The following LRIG1 variants were observed in gnomAD, a reference collection of about 807,000 sequenced individuals.
The protein encoded by LRIG1 is leucine rich repeats and immunoglobulin like domains 1.
A neutral mutation model predicts 99.2 loss-of-function variants in LRIG1; 48 were observed. The ratio of observed to expected loss-of-function variants is 0.48; its 90% CI spans 0.38 to 0.62. The LOEUF (loss-of-function observed/expected upper bound fraction) is 0.62. Ranked by LOEUF, LRIG1 falls within the 20% of genes least tolerant of loss-of-function variation. The pLI is 0.00. For synonymous variants in LRIG1, 772 were observed against 596.1 expected (o/e 1.29, Z -4.30); for missense variants, 1,646 against 1,434.4 (o/e 1.15, Z -2.38).
chr3:66,471,455 T>C (rs980367742), intron 1 of LRIG1, among the ~76,000 whole-genome samples: 2 of 151,920 alleles, frequency 1.3e-5, no homozygotes, highest in African/African-American at 4.8e-5. Context: ...CAGAGGGGGG[T>C]TGGAACCTTG....
chr3:66,465,694 T>A (rs756851135), intron 1 of LRIG1, among the ~76,000 whole-genome samples: 2 of 152,020 alleles, frequency 1.3e-5, no homozygotes, highest in African/African-American at 2.4e-5. Flanking sequence ...TGTGGTAAAA[T>A]ACATATAACA....
chr3:66,461,445 C>G (rs564504848), intron 2 of LRIG1, among the ~76,000 whole-genome samples: 1 of 152,044 alleles, frequency 6.6e-6, no homozygotes, highest in Non-Finnish European at 1.5e-5. Context: ...GAAATATCCA[C>G]GTATAGTAGT....
intron 6 of LRIG1, among the ~76,000 whole-genome samples, chr3:66,410,617 C>T (rs763558692): frequency 2.6e-5 from 4 of 152,206 alleles, no homozygotes; most frequent in South Asian, 2.1e-4. Context: ...GAAGGAGGAT[C>T]GCTTGAGCTC....
chr3:66,443,160 G>C (rs1204208676), intron 3 of LRIG1, among the ~76,000 whole-genome samples: 1 of 152,016 alleles, frequency 6.6e-6, no homozygotes, highest in Non-Finnish European at 1.5e-5. Flanking sequence ...TTTGTAAATT[G>C]GGTGTTTAAT....
chr3:66,398,251 C>T, intron 10 of LRIG1, 68 bp from the exon 11 acceptor site: 1 of 1,242,416 alleles, frequency 8.0e-7, no homozygotes, highest in Non-Finnish European at 1.2e-6. Flanking sequence ...TCAGGACAGT[C>T]CTGGTTTCAC....
chr3:66,415,197 G>A, intron 4 of LRIG1, 134 bp from the exon 5 acceptor site: 1 of 844,200 alleles, frequency 1.2e-6, no homozygotes, highest in Non-Finnish European at 1.8e-6. Context: ...CCAGTGAGAT[G>A]TTTATCAGCC....
intron 1 of LRIG1, among the ~76,000 whole-genome samples, chr3:66,489,475 T>C (rs1701051041): frequency 6.6e-6 from 1 of 152,100 alleles, no homozygotes; most frequent in Non-Finnish European, 1.5e-5. Context: ...TGAGCCATGA[T>C]TGCGCCACTG....
intron 3 of LRIG1, among the ~76,000 whole-genome samples, chr3:66,432,499 G>A (rs933919380): frequency 6.6e-6 from 1 of 152,174 alleles, no homozygotes; most frequent in African/African-American, 2.4e-5. Flanking sequence ...CAGTAGCTAG[G>A]CGCTGGCTTC....
Position 66,500,467 on chromosome 3 carries a change from A to T in LRIG1, c.-60T>A. 9.2e-7 allele frequency: 1 copy of T among 1,081,130 alleles called. No homozygotes were observed. Among genetic ancestry groups the T allele is most frequent in the Non-Finnish European group, 1.2e-6 (1 of 827,248 alleles). 67.0% of individuals were successfully genotyped at this position (1,081,130 alleles called of 1,614,324 possible). On this transcript the variant is annotated 5_prime_UTR_variant, in exon 1 of 19. Transcript: ENST00000273261. ...GGACTGTGAGGACCCGAACGGCCGC[A>T]GACGCGGGCGGGCCCGCGGGGCGCT...
chr3:66,494,669 A>C (rs186020745), intron 1 of LRIG1, among the ~76,000 whole-genome samples: 1 of 152,262 alleles, frequency 6.6e-6, no homozygotes, highest in Admixed American at 6.5e-5. Context: ...ATATAAGAAT[A>C]TAAGAACATA....
chr3:66,467,014 T>G (rs1700487138), intron 1 of LRIG1, among the ~76,000 whole-genome samples: 1 of 152,220 alleles, frequency 6.6e-6, no homozygotes, highest in Admixed American at 6.5e-5. Context: ...ATAGATGTTC[T>G]TTCAGCTAAT....
chr3:66,480,859 G>T (rs1022783496), intron 1 of LRIG1, among the ~76,000 whole-genome samples: 1 of 152,174 alleles, frequency 6.6e-6, no homozygotes, highest in African/African-American at 2.4e-5. Flanking sequence ...GAAGGCAGGA[G>T]GAAATGTCAC....
chr3:66,413,811 C>T (rs948228673), intron 5 of LRIG1, among the ~76,000 whole-genome samples: 1 of 152,186 alleles, frequency 6.6e-6, no homozygotes, highest in Admixed American at 6.5e-5. Flanking sequence ...TCTAGGACTC[C>T]CCACCCAGGG....
chr3:66,405,142 C>A (rs1249641796), intron 9 of LRIG1, 56 bp downstream of exon 9: 11 of 1,502,978 alleles, frequency 7.3e-6, no homozygotes, highest in Non-Finnish European at 1.0e-5. Flanking sequence ...GAAACATCTC[C>A]CACCCAAGTG....
chr3:66,487,649 G>A (rs1701005002), intron 1 of LRIG1, among the ~76,000 whole-genome samples: 1 of 152,146 alleles, frequency 6.6e-6, no homozygotes, highest in Non-Finnish European at 1.5e-5. Flanking sequence ...GATAGACTCA[G>A]AGATTCCTCC....
intron 2 of LRIG1, among the ~76,000 whole-genome samples, chr3:66,454,375 T>C (rs1043050655): frequency 3.3e-5 from 5 of 152,154 alleles, no homozygotes; most frequent in African/African-American, 1.2e-4. Flanking sequence ...AGCTACAGCT[T>C]TGAGGGGAAA....
In LRIG1 at chr3:66,487,791, A is replaced by G. The variant is rs1209173440; in HGVS notation, c.218+12399T>C. ...CATTTGGCCTGTTTTGAGCTCAGAA[A>G]GCACAATGGAAAAAGGTCATCTTTG... is the stretch of plus-strand genomic sequence containing the variant. On this transcript the variant is annotated intron_variant, in intron 1 of 18. Transcript: ENST00000273261. Among the ~76,000 whole-genome samples, 3 of 152,200 alleles carry G rather than the reference A, an allele frequency of 2.0e-5. No homozygotes were observed. The East Asian group carries it at 5.8e-4, about 29-fold the overall frequency.
chr3:66,435,521 G>C, intron 3 of LRIG1, among the ~76,000 whole-genome samples: 1 of 152,214 alleles, frequency 6.6e-6, no homozygotes, highest in Non-Finnish European at 1.5e-5. Flanking sequence ...TGAGGTTGCA[G>C]TGAGCCAAGG....
chr3:66,405,384 A>C, intron 8 of LRIG1, 106 bp from the exon 9 acceptor site: 1 of 856,722 alleles, frequency 1.2e-6, no homozygotes. Context: ...GGGTGCATGC[A>C]CCCTGGAGGC....
Sources: gnomAD v4.1 joint callset for allele counts (sites outside exome capture counted in the v4.1 genomes callset) on GRCh38, gnomAD v4.1.1 for gene constraint, MANE v1.5 for transcripts, NCBI Gene and HGNC (gene_info 2026-07-23, HGNC 2026-07-21) for gene names.